The following ARHGAP24 variants were observed in gnomAD, a reference collection of about 807,000 sequenced individuals.
ARHGAP24 encodes the protein rho GTPase-activating protein 24.
A neutral mutation model predicts 76.4 loss-of-function variants in ARHGAP24; 50 were observed. That is an observed-to-expected ratio of 0.65 (90% CI 0.52 to 0.83). The LOEUF is 0.83. Among genes scored for constraint, ARHGAP24 ranks in the 40% least tolerant of loss-of-function variants. The probability of loss-of-function intolerance (pLI) is 0.00; values close to 1 mark genes in which losing one functional copy is unlikely to be tolerated. For missense variants in ARHGAP24, 930 were observed against 914.2 expected, an observed-to-expected ratio of 1.02 and a Z score of -0.22; for synonymous variants, 345 against 323.3, an observed-to-expected ratio of 1.07 and a Z score of -0.72.
chr4:85,876,109 A>G (rs1732921242), intron 3 of ARHGAP24, among the ~76,000 whole-genome samples: 1 of 152,142 alleles, frequency 6.6e-6, no homozygotes, highest in South Asian at 2.1e-4. Flanking sequence ...TATTTTGGTG[A>G]CCATTAAAAT....
chr4:85,506,908 ATGT>A (rs1283263923), intron 1 of ARHGAP24, among the ~76,000 whole-genome samples: 1 of 138,576 alleles, frequency 7.2e-6, no homozygotes, highest in African/African-American at 2.7e-5. Context: ...TTTTCCCCCC[ATGT>A]GGAACTTAGA....
At chr4:85,556,054 A>G (rs1560531133) in intron 1 of ARHGAP24, among the ~76,000 whole-genome samples, 1 of 152,116 alleles carries the variant, frequency 6.6e-6, no homozygotes, top group Non-Finnish European at 1.5e-5. Flanking sequence ...AGAGAAACAC[A>G]GAGCAACTGC....
At chr4:85,991,223 A>C (rs1399701380) in intron 8 of ARHGAP24, 1 of 152,158 alleles carries the variant, frequency 6.6e-6, no homozygotes, top group Non-Finnish European at 1.5e-5. Flanking sequence ...CAAAGTGTAA[A>C]GTTAAGACTG....
chr4:85,690,043 A>G (rs1414915608), intron 2 of ARHGAP24, among the ~76,000 whole-genome samples: 1 of 152,094 alleles, frequency 6.6e-6, no homozygotes, highest in Non-Finnish European at 1.5e-5. Context: ...TTCAGTGCCT[A>G]GTTTGTAGAG....
chr4:85,966,694 T>C (rs1254052959), intron 5 of ARHGAP24, among the ~76,000 whole-genome samples: 7 of 152,110 alleles, frequency 4.6e-5, no homozygotes, highest in Admixed American at 3.3e-4. Context: ...CGTGGTAGCA[T>C]TGGTGTTGGA....
intron 1 of ARHGAP24, among the ~76,000 whole-genome samples, chr4:85,499,654 G>C (rs1308033503): frequency 6.6e-6 from 1 of 152,162 alleles, no homozygotes; most frequent in Non-Finnish European, 1.5e-5. Flanking sequence ...TCACCTCTTA[G>C]AGAAGGGAAG....
chr4:85,668,163 T>G (rs1448093556), intron 2 of ARHGAP24, among the ~76,000 whole-genome samples: 1 of 152,224 alleles, frequency 6.6e-6, no homozygotes, highest in Non-Finnish European at 1.5e-5. Context: ...AGTTCCTTAT[T>G]AAACTACACT....
intron 3 of ARHGAP24, among the ~76,000 whole-genome samples, chr4:85,837,544 G>T (rs1045658905): frequency 6.6e-6 from 1 of 152,022 alleles, no homozygotes; most frequent in Non-Finnish European, 1.5e-5. Flanking sequence ...AACAAGCAGC[G>T]GAATTAAACT....
rs563112634 is a variant in ARHGAP24, at chr4:85,563,023, G to C, written c.-20-7499G>C. On this transcript the variant is annotated intron_variant, in intron 1 of 9. Coordinates refer to ENST00000395184, the MANE Select transcript of ARHGAP24 (RefSeq NM_001025616.3). ...AGTAATTTATTATGGAATGCACTCA[G>C]GAGAAGGGAAGTGAGGGAAGCAGGA... Among the ~76,000 whole-genome samples the C allele has an allele frequency of 3.2e-4, 49 of 152,306 alleles. No individual in the cohort carries two copies. In the South Asian group the frequency reaches 7.5e-3, roughly 23 times the overall value.
At chr4:85,930,688 A>AG in intron 4 of ARHGAP24, 1 of 1,191,536 alleles carries the variant, frequency 8.4e-7, no homozygotes. Context: ...AAAAGAAAAA[A>AG]AAAACCTTAA....
intron 3 of ARHGAP24, among the ~76,000 whole-genome samples, chr4:85,834,994 CTTGGCTTTCATGG>C (rs1730186001): frequency 6.6e-6 from 1 of 152,156 alleles, no homozygotes; most frequent in African/African-American, 2.4e-5. Flanking sequence ...AACTTCACTC[CTTGGCTTTCATGG>C]ATCTCATAAG....
chr4:85,603,935 T>G (rs1720112204), intron 2 of ARHGAP24, among the ~76,000 whole-genome samples: 1 of 152,214 alleles, frequency 6.6e-6, no homozygotes, highest in Non-Finnish European at 1.5e-5. Flanking sequence ...ACTAAGTTGC[T>G]GCCTGGTAAT....
rs1210908416 is a variant in ARHGAP24, at chr4:85,664,325, A to G, written c.181-57560A>G. ...GAGGTGTTTGTAGTATTCTCTGATGATAGTTTGTATTTCTTTGGGATTGGT... is the reference window on the plus strand; with the variant it reads ...GAGGTGTTTGTAGTATTCTCTGATGGTAGTTTGTATTTCTTTGGGATTGGT... On this transcript the variant is annotated intron_variant, in intron 2 of 9. Coordinates refer to ENST00000395184, the MANE Select transcript of ARHGAP24 (RefSeq NM_001025616.3). Among the ~76,000 whole-genome samples the G allele has an allele frequency of 1.0e-4, 15 of 149,518 alleles. 1 individual carries two copies. Among genetic ancestry groups the G allele is most frequent in the African/African-American group, 3.1e-4 (12 of 39,072 alleles).
chr4:85,501,532 A>G (rs1347683685), intron 1 of ARHGAP24, among the ~76,000 whole-genome samples: 1 of 152,160 alleles, frequency 6.6e-6, no homozygotes, highest in Non-Finnish European at 1.5e-5. Flanking sequence ...TCTTTTGAGA[A>G]GTGTCTGTTC....
At chr4:85,760,821 CA>C (rs1284218683) in intron 3 of ARHGAP24, among the ~76,000 whole-genome samples, 1 of 152,168 alleles carries the variant, frequency 6.6e-6, no homozygotes, top group Non-Finnish European at 1.5e-5. Flanking sequence ...TGACTTGCCC[CA>C]CGTAGTTAAC....
chr4:85,696,476 A>G (rs765280399), intron 2 of ARHGAP24, among the ~76,000 whole-genome samples: 6 of 152,308 alleles, frequency 3.9e-5, no homozygotes, highest in Middle Eastern at 3.4e-3. Flanking sequence ...GAAATATACA[A>G]TCCTATCTAG....
chr4:85,891,296 C>A (rs947284520), intron 3 of ARHGAP24, among the ~76,000 whole-genome samples: 2 of 149,712 alleles, frequency 1.3e-5, no homozygotes, highest in South Asian at 2.2e-4. Flanking sequence ...ACAATCATGT[C>A]GTCTGCAAAC....
chr4:85,575,713 G>A (rs1727343123), intron 2 of ARHGAP24, among the ~76,000 whole-genome samples: 1 of 152,164 alleles, frequency 6.6e-6, no homozygotes, highest in Admixed American at 6.5e-5. Context: ...TGCAGGTTTT[G>A]TTAAGTGAAT....
At chr4:85,859,098 G>T (rs1731739381) in intron 3 of ARHGAP24, among the ~76,000 whole-genome samples, 1 of 151,940 alleles carries the variant, frequency 6.6e-6, no homozygotes, top group Non-Finnish European at 1.5e-5. Context: ...ATTAAAACAT[G>T]GTTTGACCTG....
Sources: gnomAD v4.1 joint callset for allele counts (sites outside exome capture counted in the v4.1 genomes callset) on GRCh38, gnomAD v4.1.1 for gene constraint, MANE v1.5 for transcripts, NCBI Gene and HGNC (gene_info 2026-07-23, HGNC 2026-07-21) for gene names.